The following MGAT4C variants were observed in gnomAD, a reference collection of about 807,000 sequenced individuals.
The protein encoded by MGAT4C is MGAT4 family member C.
In MGAT4C, 19 loss-of-function variants were observed where a neutral mutation model predicts 40.1. The observed-to-expected ratio is 0.47, with a 90% CI of 0.33 to 0.70. The LOEUF is 0.70. MGAT4C is among the 30% of genes least tolerant of loss of function. MGAT4C has a pLI of 0.02. For synonymous variants in MGAT4C, 181 were observed against 187.1 expected (o/e 0.97, Z 0.27); for missense variants, 491 against 563.2 (o/e 0.87, Z 1.30).
intron 4 of MGAT4C, among the ~76,000 whole-genome samples, chr12:86,306,005 T>C (rs1441806570): frequency 2.0e-5 from 3 of 150,574 alleles, no homozygotes; most frequent in Admixed American, 6.6e-5. Flanking sequence ...TTAATGTATA[T>C]CTCTCCTCTA....
chr12:86,714,814 G>GAAGGAAGT (rs1950618245), intron 2 of MGAT4C, among the ~76,000 whole-genome samples: 1 of 151,450 alleles, frequency 6.6e-6, no homozygotes, highest in Non-Finnish European at 1.5e-5. Context: ...AGGAAGGAAG[G>GAAGGAAGT]AAAGAATTAA....
chr12:85,979,972 G>C lies in MGAT4C; in HGVS notation c.754C>G (p.Leu252Val). The C allele has an allele frequency of 6.2e-7, 1 of 1,613,740 alleles. No individual in the cohort carries two copies. Among genetic ancestry groups the C allele is most frequent in the Non-Finnish European group, 8.5e-7 (1 of 1,179,852 alleles). Residue 252 changes from leucine (L) to valine (V), a missense_variant, in exon 5 of 5, where the codon CTT becomes GTT. By Grantham distance (32) the Leu-to-Val change is conservative. Coordinates refer to ENST00000611864, the MANE Select transcript of MGAT4C (RefSeq NM_001351288.2). Reference sequence around the variant, plus strand: ...ATGTAGCCAAGCTTAGAGAATTCAAGAGTTACCCAGTAAGTTCCTTCTAGG... The same window carrying C: ...ATGTAGCCAAGCTTAGAGAATTCAACAGTTACCCAGTAAGTTCCTTCTAGG... ...ASLEGTYWVTLEFSKLGYIGK... is the reference protein window; with the variant it reads ...ASLEGTYWVTVEFSKLGYIGK...
At chr12:86,064,870 T>C (rs772988487) in intron 1 of MGAT4C, among the ~76,000 whole-genome samples, 157 of 151,884 alleles carry the variant, frequency 1.0e-3, no homozygotes, top group Non-Finnish European at 3.4e-4. Flanking sequence ...AAAAAATGAT[T>C]AAAGGGATAT....
At chr12:86,348,899 T>G (rs1955098420) in intron 3 of MGAT4C, among the ~76,000 whole-genome samples, 1 of 152,090 alleles carries the variant, frequency 6.6e-6, no homozygotes, top group South Asian at 2.1e-4. Flanking sequence ...ATTAATAGAT[T>G]TTATTTTAAA....
At chr12:86,104,192 G>C (rs1361931307) in intron 1 of MGAT4C, among the ~76,000 whole-genome samples, 1 of 151,806 alleles carries the variant, frequency 6.6e-6, no homozygotes, top group Non-Finnish European at 1.5e-5. Context: ...GGAGGCTGAG[G>C]TGGGCGGATT....
At chr12:86,404,718 AAG>A (rs1956430604) in intron 3 of MGAT4C, among the ~76,000 whole-genome samples, 1 of 152,140 alleles carries the variant, frequency 6.6e-6, no homozygotes, top group Non-Finnish European at 1.5e-5. Context: ...TTTTAATAAA[AAG>A]AAAAGAAAAG....
At chr12:86,666,609 CA>C (rs1265075381) in intron 2 of MGAT4C, among the ~76,000 whole-genome samples, 22 of 151,970 alleles carry the variant, frequency 1.4e-4, no homozygotes, top group African/African-American at 5.1e-4. Context: ...TTCATGAAAA[CA>C]AGAAGAATCA....
At chr12:86,362,636 A>G (rs117085981) in intron 3 of MGAT4C, among the ~76,000 whole-genome samples, 1 of 152,036 alleles carries the variant, frequency 6.6e-6, no homozygotes, top group African/African-American at 2.4e-5. Flanking sequence ...CAATTAAAAG[A>G]ATGTGAGGGT....
chr12:86,439,592 T>A (rs934754351), intron 2 of MGAT4C, among the ~76,000 whole-genome samples: 12 of 150,710 alleles, frequency 8.0e-5, no homozygotes, highest in African/African-American at 2.7e-4. Flanking sequence ...AAAAAACAAA[T>A]CCAAAGCTAG....
intron 2 of MGAT4C, among the ~76,000 whole-genome samples, chr12:86,571,443 T>C (rs1960359581): frequency 6.6e-6 from 1 of 152,078 alleles, no homozygotes; most frequent in Non-Finnish European, 1.5e-5. Context: ...TATATACACA[T>C]ACACTAAAAT....
chr12:86,621,272 T>A (rs1248364814), intron 2 of MGAT4C, among the ~76,000 whole-genome samples: 2 of 152,104 alleles, frequency 1.3e-5, no homozygotes, highest in African/African-American at 2.4e-5. Flanking sequence ...GGTGAATGTA[T>A]CCTCCTACTT....
At chr12:86,223,033 G>A (rs1437485421) in intron 1 of MGAT4C, among the ~76,000 whole-genome samples, 2 of 152,178 alleles carry the variant, frequency 1.3e-5, no homozygotes, top group Non-Finnish European at 2.9e-5. Context: ...GGCATTGTTC[G>A]AGAGAGGGAA....
At chr12:86,270,277 A>G (rs1419867689) in intron 4 of MGAT4C, among the ~76,000 whole-genome samples, 1 of 151,934 alleles carries the variant, frequency 6.6e-6, no homozygotes, top group African/African-American at 2.4e-5. Context: ...ATCTCTACTA[A>G]AAAATGTTGG....
intron 2 of MGAT4C, among the ~76,000 whole-genome samples, chr12:86,526,748 GCAC>G (rs1451148097): frequency 6.6e-6 from 1 of 152,216 alleles, no homozygotes; most frequent in Non-Finnish European, 1.5e-5. Flanking sequence ...CGCTGGCCAT[GCAC>G]CACTACAGAT....
chr12:86,481,884 C>G (rs1313822836), intron 2 of MGAT4C, among the ~76,000 whole-genome samples: 1 of 151,656 alleles, frequency 6.6e-6, no homozygotes, highest in Non-Finnish European at 1.5e-5. Flanking sequence ...TTCCAAACTG[C>G]TGGAATTATA....
chr12:86,381,662 C>A (rs1350002318), intron 3 of MGAT4C, among the ~76,000 whole-genome samples: 2 of 152,130 alleles, frequency 1.3e-5, no homozygotes, highest in African/African-American at 4.8e-5. Context: ...ATTCGTTAAT[C>A]CAATCAAACT....
chr12:86,159,747 T>C (rs1196578955), intron 1 of MGAT4C, among the ~76,000 whole-genome samples: 1 of 152,134 alleles, frequency 6.6e-6, no homozygotes, highest in Non-Finnish European at 1.5e-5. Flanking sequence ...CTCTTCCTCA[T>C]TCAATCTTGG....
chr12:86,757,577 C>A (rs1041454306), intron 1 of MGAT4C, among the ~76,000 whole-genome samples: 1 of 152,008 alleles, frequency 6.6e-6, no homozygotes, highest in African/African-American at 2.4e-5. Context: ...TTTCATGCTA[C>A]CAGAGTGATT....
chr12:86,421,881 A>AT (rs1193055851), intron 3 of MGAT4C, among the ~76,000 whole-genome samples: 1 of 152,214 alleles, frequency 6.6e-6, no homozygotes, highest in Non-Finnish European at 1.5e-5. Flanking sequence ...GATCAAGGAA[A>AT]TAAAAAAGTA....
Sources: gnomAD v4.1 joint callset for allele counts (sites outside exome capture counted in the v4.1 genomes callset) on GRCh38, gnomAD v4.1.1 for gene constraint, MANE v1.5 for transcripts, NCBI Gene and HGNC (gene_info 2026-07-23, HGNC 2026-07-21) for gene names.